The following KCNK10 variants were observed in gnomAD, a reference collection of about 807,000 sequenced individuals.
KCNK10 encodes the protein potassium channel subfamily K member 10.
In KCNK10, 25 loss-of-function variants were observed where a neutral mutation model predicts 47.7. The observed-to-expected ratio is 0.52, with a 90% CI of 0.38 to 0.73. The LOEUF (loss-of-function observed/expected upper bound fraction) is 0.73. KCNK10 is among the 30% of genes least tolerant of loss of function. The pLI is 0.00. For missense variants in KCNK10, 563 were observed against 714.5 expected (o/e 0.79, Z 2.42); for synonymous variants, 303 against 285.6 (o/e 1.06, Z -0.61).
chr14:88,227,568 CA>C, intron 3 of KCNK10, 33 bp from the exon 4 acceptor site: 1 of 1,559,578 alleles, frequency 6.4e-7, no homozygotes, highest in Non-Finnish European at 8.6e-7. Context: ...GGGAGAGTGG[CA>C]GAGAAATTAG....
chr14:88,234,256 A>G (rs1886234483), intron 3 of KCNK10, among the ~76,000 whole-genome samples: 1 of 152,242 alleles, frequency 6.6e-6, no homozygotes, highest in Admixed American at 6.5e-5. Context: ...CCCCAGACCC[A>G]CTGGTGTCAT....
At chr14:88,226,256 G>T (rs1885981984) in intron 4 of KCNK10, among the ~76,000 whole-genome samples, 1 of 152,188 alleles carries the variant, frequency 6.6e-6, no homozygotes, top group Non-Finnish European at 1.5e-5. Context: ...ACCCAGCTAT[G>T]GTGCCTCGTT....
In KCNK10 at chr14:88,257,505, C is replaced by A. The variant is rs139428670; in HGVS notation, c.402+5697G>T. Reference sequence around the variant, plus strand: ...CACATGCCAGCCATTGGGATACCCTCCAACCATGGCCTACCCAATGAATCC... The same window carrying A: ...CACATGCCAGCCATTGGGATACCCTACAACCATGGCCTACCCAATGAATCC... On this transcript the variant is annotated intron_variant, in intron 2 of 6. Transcript: ENST00000319231. 4.0e-3 allele frequency among the ~76,000 whole-genome samples: 605 copies of A among 152,382 alleles called. 2 individuals carry two copies. Among genetic ancestry groups the A allele is most frequent in the Non-Finnish European group, 6.5e-3 (445 of 68,044 alleles).
chr14:88,323,263 C>T lies in KCNK10; in HGVS notation c.-465G>A. Reference sequence around the variant, plus strand: ...ACACCCGCACACACACTCCCGGGCGCGCGCTTGGGCGGGCACGTCAGCCTC... The same window carrying T: ...ACACCCGCACACACACTCCCGGGCGTGCGCTTGGGCGGGCACGTCAGCCTC... On this transcript the variant is annotated 5_prime_UTR_variant, in exon 1 of 7. Coordinates refer to ENST00000319231, the MANE Select transcript of KCNK10 (RefSeq NM_138317.3). 1 of 986,398 alleles carries T rather than the reference C, an allele frequency of 1.0e-6. No homozygotes were observed. The highest frequency in any genetic ancestry group is 1.2e-6 in the Non-Finnish European group (1 of 830,808). The allele number at this position is 986,398 out of a possible 1,614,324, so 61.1% of individuals were successfully genotyped here. A position where few individuals can be genotyped will look rare whatever the true frequency, so the allele number is the denominator to read the frequency against.
intron 1 of KCNK10, among the ~76,000 whole-genome samples, chr14:88,288,616 GT>G (rs1887817493): frequency 6.6e-6 from 1 of 152,114 alleles, no homozygotes; most frequent in Admixed American, 6.5e-5. Context: ...CTTCCAGAGG[GT>G]TCCCACAACT....
intron 3 of KCNK10, among the ~76,000 whole-genome samples, chr14:88,236,093 A>C (rs1360121873): frequency 6.6e-6 from 1 of 152,204 alleles, no homozygotes; most frequent in Non-Finnish European, 1.5e-5. Context: ...AGGTAGGAGG[A>C]TCCTTTGAGG....
chr14:88,296,648 C>T (rs573009994), intron 1 of KCNK10, among the ~76,000 whole-genome samples: 12 of 152,246 alleles, frequency 7.9e-5, no homozygotes, highest in South Asian at 2.1e-4. Context: ...CATGAGGCAT[C>T]GGAAAATGTC....
intron 1 of KCNK10, among the ~76,000 whole-genome samples, chr14:88,288,378 T>C (rs1222437357): frequency 1.3e-5 from 2 of 152,168 alleles, no homozygotes; most frequent in East Asian, 3.9e-4. Flanking sequence ...GGTACTGCTA[T>C]TCATCCAGGG....
rs967880667 is a variant in KCNK10 at position 88,260,133 on chromosome 14, G to A, written c.402+3069C>T. ...AATTTTTGTATTTTAGGTAGAGATG[G>A]GGTTTCACCATGTTGGCCAGGTTGG... On this transcript the variant is annotated intron_variant, in intron 2 of 6. Coordinates refer to ENST00000319231, the MANE Select transcript of KCNK10 (RefSeq NM_138317.3). This position sits in a 1 kb window ranked among gnomAD's most constrained non-coding sequence, Gnocchi z 4.5. Among the ~76,000 whole-genome samples, 15 of 152,080 alleles carry A rather than the reference G, an allele frequency of 9.9e-5. No homozygotes were observed. Among genetic ancestry groups the A allele is most frequent in the African/African-American group, 3.4e-4 (14 of 41,402 alleles).
At chr14:88,188,266 G>C (rs947044679) in intron 5 of KCNK10, among the ~76,000 whole-genome samples, 157 bp from the exon 6 acceptor site, 1 of 152,146 alleles carries the variant, frequency 6.6e-6, no homozygotes, top group African/African-American at 2.4e-5. Context: ...TAGAGGGCAA[G>C]GGGGGTACCC....
chr14:88,266,266 C>T (rs1887250809), intron 1 of KCNK10, among the ~76,000 whole-genome samples: 1 of 152,224 alleles, frequency 6.6e-6, no homozygotes, highest in Non-Finnish European at 1.5e-5. Flanking sequence ...AACAGTTTGG[C>T]ACTCCAGCAA....
rs1307156521 is a variant in KCNK10 at position 88,227,513 on chromosome 14, G to T, written c.543C>A (p.Ser181Arg). ...TTIGYGNIAP[S>R]TEGGKIFCIL... ...TACAAAAGATTTTGCCTCCTTCAGT[G>T]CTCGGAGCAATATTCCCATACCCTG... The change falls in exon 4 of 7, where the codon AGC becomes AGA. Residue 181 changes from serine to arginine, a missense_variant. By Grantham distance (110) the Ser-to-Arg change is moderately radical. Coordinates refer to ENST00000319231, the MANE Select transcript of KCNK10 (RefSeq NM_138317.3). 6.2e-7 allele frequency: 1 copy of T among 1,609,912 alleles called. No homozygotes were observed. The highest frequency in any genetic ancestry group is 2.2e-5 in the East Asian group (1 of 44,828).
intron 3 of KCNK10, among the ~76,000 whole-genome samples, chr14:88,234,218 G>C (rs1270522446): frequency 6.6e-6 from 1 of 152,180 alleles, no homozygotes. Context: ...ACCTAACCTG[G>C]CCTAGAGTGC....
Position 88,190,716 on chromosome 14 carries a change from A to G in KCNK10, c.868+1508T>C, listed in dbSNP as rs574989230. On this transcript the variant is annotated intron_variant, in intron 5 of 6. Transcript: ENST00000319231. ...AAGGAAGGGGAAAAAAAACCCTATT[A>G]TTTCTACAAAGTGGAATTCAGTCTT... Among the ~76,000 whole-genome samples the G allele has an allele frequency of 2.0e-5, 3 of 152,298 alleles. No homozygotes were observed. In the East Asian group the frequency reaches 5.8e-4, roughly 29 times the overall value.
chr14:88,185,706 G>A lies in KCNK10; in HGVS notation c.1461C>T (p.Asp487=), dbSNP rs184792294. The A allele has an allele frequency of 4.5e-5, 72 of 1,614,030 alleles. No homozygotes were observed. Among genetic ancestry groups the A allele is most frequent in the Middle Eastern group, 1.6e-4 (1 of 6,062 alleles). ...CCGTCTCCTCCTCTTTCTTCTCCTC[G>A]TCCAGGGAGTAATTCCGGAAGGTCT... ...IYKTFRNYSL[D]EEKKEEETEK... The change falls in exon 7 of 7, where the codon GAC becomes GAT. Residue 487 remains aspartate, a synonymous_variant. Coordinates refer to ENST00000319231, the MANE Select transcript of KCNK10 (RefSeq NM_138317.3). This position sits in a 1 kb window ranked among gnomAD's most constrained non-coding sequence, Gnocchi z 4.3.
At chr14:88,235,050 A>G (rs1454699320) in intron 3 of KCNK10, 1 of 456,254 alleles carries the variant, frequency 2.2e-6, no homozygotes, top group Non-Finnish European at 4.4e-6. Flanking sequence ...AACATAGGAT[A>G]AAGAGGGAGA....
chr14:88,180,834 A>G lies in KCNK10; in HGVS notation c.*4701T>C, dbSNP rs749823484. ...AGAGGACAGGGCTTTGCTTACAGCC[A>G]TGTAATTAGCATGCTGTTCCAAAGT... is the stretch of plus-strand genomic sequence containing the variant. On this transcript the variant is annotated 3_prime_UTR_variant, in exon 7 of 7. Transcript: ENST00000319231. 10 of 398,622 alleles carry G rather than the reference A, an allele frequency of 2.5e-5. No homozygotes were observed. The highest frequency in any genetic ancestry group is 4.4e-5 in the Admixed American group (1 of 22,710). The allele number at this position is 398,622 out of a possible 1,614,324, so 24.7% of individuals were successfully genotyped here.
chr14:88,271,642 C>T (rs1267938887), intron 1 of KCNK10, among the ~76,000 whole-genome samples: 1 of 152,144 alleles, frequency 6.6e-6, no homozygotes, highest in Non-Finnish European at 1.5e-5. Flanking sequence ...TATTGAATGG[C>T]ATGAGTCACA....
At chr14:88,279,381 G>C (rs1046719915) in intron 1 of KCNK10, among the ~76,000 whole-genome samples, 8 of 150,286 alleles carry the variant, frequency 5.3e-5, no homozygotes, top group African/African-American at 1.7e-4. Context: ...GTGTGTGTGT[G>C]TGTGTGTGTG....
Sources: gnomAD v4.1 joint callset for allele counts (sites outside exome capture counted in the v4.1 genomes callset) on GRCh38, gnomAD v4.1.1 for gene constraint, Gnocchi (gnomAD v3.1) non-coding constraint, MANE v1.5 for transcripts, NCBI Gene and HGNC (gene_info 2026-07-23, HGNC 2026-07-21) for gene names.